IGBP1: variants seen among roughly 807,000 people sequenced by gnomAD.
The protein encoded by IGBP1 is immunoglobulin binding protein 1, also known as immunoglobulin-binding protein 1.
IGBP1 carries 2 observed loss-of-function variants against 25.9 expected under a neutral mutation model. The observed-to-expected ratio is 0.08, with a 90% CI of 0.03 to 0.24. The LOEUF (loss-of-function observed/expected upper bound fraction) is 0.24. Among genes scored for constraint, IGBP1 ranks in the 10% least tolerant of loss-of-function variants. IGBP1 has a pLI of 1.00. For synonymous variants in IGBP1, 96 were observed against 93.4 expected (o/e 1.03, Z -0.16); for missense variants, 187 against 260.4 (o/e 0.72, Z 1.94).
chrX:70,145,426 C>T (rs904211257), intron 3 of IGBP1, among the ~76,000 whole-genome samples: 12 of 111,131 alleles, frequency 1.1e-4, no homozygotes, highest in Admixed American at 1.1e-3. Context: ...AGTTGCTTTC[C>T]CTGCTTATAT....
intron 6 of IGBP1, among the ~76,000 whole-genome samples, chrX:70,154,248 A>G (rs1395141991): frequency 1.9e-5 from 2 of 102,987 alleles, no homozygotes; most frequent in East Asian, 6.1e-4. Context: ...TTTTTTTTGT[A>G]TTTTTAGTAG....
intron 6 of IGBP1, among the ~76,000 whole-genome samples, chrX:70,150,834 A>C (rs955696251): frequency 2.7e-5 from 3 of 112,098 alleles, no homozygotes; most frequent in Admixed American, 1.9e-4. Context: ...TAATTGGATC[A>C]TAGTGGGTAC....
At chrX:70,158,511 G>A (rs1448314885) in intron 6 of IGBP1, among the ~76,000 whole-genome samples, 2 of 111,111 alleles carry the variant, frequency 1.8e-5, no homozygotes, top group African/African-American at 3.3e-5. Context: ...AACATTTCAC[G>A]TAAAAATGAA....
chrX:70,155,139 G>C lies in IGBP1; in HGVS notation c.871+4817G>C, dbSNP rs140407160. Among the ~76,000 whole-genome samples the C allele has an allele frequency of 4.8e-4, 54 of 112,026 alleles. No individual in the cohort carries two copies. The East Asian group carries it at 0.015, about 31-fold the overall frequency. The stretch of plus-strand genomic sequence containing the variant: ...ATTAGAAGTCAGGGATCGATTATCA[G>C]GTCTAGCTGCATGCTGTCTATAAAA... On this transcript the variant is annotated intron_variant, in intron 6 of 6. Transcript: ENST00000356413.
intron 5 of IGBP1, chrX:70,149,417 G>A (rs1322011690): frequency 1.7e-5 from 2 of 116,626 alleles, no homozygotes; most frequent in Non-Finnish European, 3.5e-5. Flanking sequence ...CCTTTGGGAG[G>A]TCGAGGCAGG....
chrX:70,147,293 C>T (rs374520493), intron 4 of IGBP1, among the ~76,000 whole-genome samples: 7 of 110,494 alleles, frequency 6.3e-5, no homozygotes, highest in African/African-American at 9.9e-5. Context: ...TGTGGTGGTG[C>T]GCGTCTGTGA....
At chrX:70,134,179 A>C (rs763091908) in intron 2 of IGBP1, 44 bp downstream of exon 2, 2 of 1,140,926 alleles carry the variant, frequency 1.8e-6, no homozygotes, top group Admixed American at 4.4e-5. Context: ...GAAGGTAATA[A>C]TGGTTACCAA....
intron 1 of IGBP1, 89 bp from the exon 2 acceptor site, chrX:70,133,634 C>T: frequency 2.4e-6 from 1 of 413,009 alleles, no homozygotes; most frequent in Non-Finnish European, 4.2e-6. Flanking sequence ...GGCTTCAGAG[C>T]CCACAGAACT....
In IGBP1 at chrX:70,165,965, G is replaced by A. The variant is rs750521659; in HGVS notation, c.1004G>A (p.Arg335Gln). The A allele has an allele frequency of 1.1e-5, 13 of 1,209,058 alleles. No individual in the cohort carries two copies. Among genetic ancestry groups the A allele is most frequent in the African/African-American group, 3.5e-5 (2 of 56,965 alleles). ...KDTHPRGYGN[R>Q]QNMG ...ACCCATCCTAGGGGCTATGGGAACC[G>A]ACAGAACATGGGCTGATCTTCCCAC... Residue 335 changes from arginine (R) to glutamine (Q), a missense_variant, in exon 7 of 7, where the codon CGA becomes CAA. Physicochemically the swap from Arg to Gln is conservative, Grantham distance 43. Transcript: ENST00000356413.
chrX:70,159,725 T>C (rs1332628734), intron 6 of IGBP1, among the ~76,000 whole-genome samples: 1 of 108,788 alleles, frequency 9.2e-6, no homozygotes, highest in Non-Finnish European at 1.9e-5. Context: ...GAGGGAGGGG[T>C]GTTCCAGACG....
chrX:70,144,619 A>G (rs1602665503), intron 3 of IGBP1, among the ~76,000 whole-genome samples: 1 of 95,014 alleles, frequency 1.1e-5, no homozygotes. Context: ...AAACATTTTT[A>G]TAATAGCCTT....
intron 6 of IGBP1, among the ~76,000 whole-genome samples, chrX:70,161,422 G>T (rs2085270044): frequency 9.0e-6 from 1 of 111,531 alleles, no homozygotes; most frequent in African/African-American, 3.3e-5. Flanking sequence ...ATGAACCAGG[G>T]CTCCTTGGAG....
intron 6 of IGBP1, among the ~76,000 whole-genome samples, chrX:70,157,171 G>A (rs749113344): frequency 7.6e-5 from 8 of 105,930 alleles, no homozygotes; most frequent in African/African-American, 1.7e-4. Context: ...GATACAACTC[G>A]AGCAATGCTG....
At chrX:70,160,621 A>C (rs1303094772) in intron 6 of IGBP1, among the ~76,000 whole-genome samples, 2 of 112,431 alleles carry the variant, frequency 1.8e-5, no homozygotes. Context: ...CAGACAGCCA[A>C]AGTGTTGAGA....
At chrX:70,151,542 C>T (rs1467552049) in intron 6 of IGBP1, among the ~76,000 whole-genome samples, 1 of 110,660 alleles carries the variant, frequency 9.0e-6, no homozygotes, top group African/African-American at 3.3e-5. Flanking sequence ...TGAGAAAGTG[C>T]TCTGGGACAA....
intron 6 of IGBP1, among the ~76,000 whole-genome samples, chrX:70,158,696 A>C: frequency 9.0e-6 from 1 of 110,854 alleles, no homozygotes; most frequent in Non-Finnish European, 1.9e-5. Context: ...AAGAAAAATT[A>C]GCCGGGCATG....
chrX:70,149,041 C>T, intron 5 of IGBP1: 1 of 402,338 alleles, frequency 2.5e-6, no homozygotes, highest in Non-Finnish European at 4.4e-6. Flanking sequence ...CCAGCCTGAC[C>T]AACATGGAGA....
intron 6 of IGBP1, among the ~76,000 whole-genome samples, chrX:70,153,017 G>C (rs948916676): frequency 5.4e-5 from 6 of 111,952 alleles, no homozygotes; most frequent in African/African-American, 6.5e-5. Flanking sequence ...GCACATTATA[G>C]TCAAACTGCA....
Position 70,166,060 on chromosome X carries a change from C to T in IGBP1, c.*79C>T. 1 of 1,008,717 alleles carries T rather than the reference C, an allele frequency of 9.9e-7. No individual in the cohort carries two copies. The highest frequency in any genetic ancestry group is 1.4e-6 in the Non-Finnish European group (1 of 721,816). The allele number at this position is 1,008,717 out of a possible 1,213,427, so 83.1% of individuals were successfully genotyped here. On this transcript the variant is annotated 3_prime_UTR_variant, in exon 7 of 7. Transcript: ENST00000356413. ...ACCATGCAGTCCTCCCCTCCCTGGT[C>T]TCCTGCTTCAGCTCTGTACAACGAG...
Sources: gnomAD v4.1 joint callset for allele counts (sites outside exome capture counted in the v4.1 genomes callset) on GRCh38, gnomAD v4.1.1 for gene constraint, MANE v1.5 for transcripts, NCBI Gene and HGNC (gene_info 2026-07-23, HGNC 2026-07-21) for gene names.